Variants in TMEM131 observed in about 807,000 individuals in gnomAD.
TMEM131 encodes transmembrane protein 131.
In TMEM131, 66 loss-of-function variants were observed where a neutral mutation model predicts 211.6. The observed-to-expected ratio is 0.31, with a 90% CI of 0.26 to 0.38. TMEM131 has a LOEUF of 0.38. Among genes scored for constraint, TMEM131 ranks in the 10% least tolerant of loss-of-function variants. The pLI is 1.00. For synonymous variants in TMEM131, 844 were observed against 841.3 expected (o/e 1.00, Z -0.06); for missense variants, 2,036 against 2,299.3 (o/e 0.89, Z 2.34).
At position 97,802,780 on chromosome 2, in the gene TMEM131, T is replaced by C. The variant is rs758047645; in HGVS notation, c.2413A>G (p.Ile805Val). 4 of 1,552,312 alleles carry C rather than the reference T, an allele frequency of 2.6e-6. No homozygotes were observed. Among genetic ancestry groups the C allele is most frequent in the South Asian group, 2.4e-5 (2 of 81,960 alleles). The change falls in exon 23 of 41, where the codon ATA becomes GTA. Residue 805 changes from isoleucine to valine, a missense_variant. Ile to Val is a conservative substitution (Grantham distance 29). Around this residue, in one of 3 missense-constraint regions of TMEM131, gnomAD observed 1,623 missense variants for 1,805.9 expected, o/e 0.90. Transcript: ENST00000186436. ...TGAAGGTCTGTATTTACTTCAAATA[T>C]AGCACTCAATCTAGAAAAACAATTT... Reference protein sequence around the residue: ...KENSGHRLSAIFEVNTDLQKN... With the variant: ...KENSGHRLSAVFEVNTDLQKN...
intron 38 of TMEM131, chr2:97,760,145 T>C: frequency 4.0e-6 from 1 of 249,786 alleles, no homozygotes; most frequent in Non-Finnish European, 7.8e-6. Context: ...CCAAGGTGAC[T>C]GCTGCAGGCC....
intron 11 of TMEM131, among the ~76,000 whole-genome samples, chr2:97,824,235 G>T (rs886885529): frequency 6.6e-6 from 1 of 152,202 alleles, no homozygotes; most frequent in Non-Finnish European, 1.5e-5. Context: ...GGTTCTCTAG[G>T]CCAGAAGCCC....
intron 4 of TMEM131, among the ~76,000 whole-genome samples, chr2:97,867,084 T>C (rs923686689): frequency 6.6e-6 from 1 of 152,234 alleles, no homozygotes; most frequent in African/African-American, 2.4e-5. Context: ...TTAAAATTAC[T>C]AGTGTTTGTA....
chr2:97,816,596 G>A lies in TMEM131; in HGVS notation c.1184-1289C>T, dbSNP rs75955603. On this transcript the variant is annotated intron_variant, in intron 12 of 40. Transcript: ENST00000186436. ...GGTATGACATCTAGTGTTTGACTAT[G>A]GCAGACACAGACTTTCCATTTTAAA... 3.4e-3 allele frequency among the ~76,000 whole-genome samples: 520 copies of A among 152,224 alleles called. 8 individuals are homozygous for A. The East Asian group carries it at 0.042, about 12-fold the overall frequency.
intron 2 of TMEM131, among the ~76,000 whole-genome samples, chr2:97,922,077 G>C (rs1007809820): frequency 6.6e-6 from 1 of 152,176 alleles, no homozygotes; most frequent in Non-Finnish European, 1.5e-5. Flanking sequence ...TCCATGGATG[G>C]GGGGTTAGCG....
chr2:97,870,876 T>G (rs1295208994), intron 4 of TMEM131, among the ~76,000 whole-genome samples: 2 of 152,208 alleles, frequency 1.3e-5, no homozygotes. Flanking sequence ...GCTGGGGAGT[T>G]GATGTAAAAT....
intron 11 of TMEM131, among the ~76,000 whole-genome samples, chr2:97,820,029 G>A (rs1331175337): frequency 6.6e-6 from 1 of 152,232 alleles, no homozygotes; most frequent in Non-Finnish European, 1.5e-5. Context: ...CAAAGACACT[G>A]CTAGAGCAGC....
At chr2:97,908,526 A>G (rs1676164142) in intron 3 of TMEM131, 132 bp downstream of exon 3, 2 of 633,498 alleles carry the variant, frequency 3.2e-6, no homozygotes, top group East Asian at 5.7e-5. Flanking sequence ...ACTTAGAAAT[A>G]ATCATATAAT....
At chr2:97,847,080 G>T (rs796225451) in intron 5 of TMEM131, among the ~76,000 whole-genome samples, 1 of 110,940 alleles carries the variant, frequency 9.0e-6, no homozygotes, top group East Asian at 3.0e-4. Context: ...TGGGGGGGGG[G>T]GGGGGGGCCG....
intron 5 of TMEM131, among the ~76,000 whole-genome samples, chr2:97,849,675 G>A (rs1401313170): frequency 1.4e-5 from 2 of 140,720 alleles, no homozygotes; most frequent in Non-Finnish European, 3.1e-5. Context: ...GTGTGTCTAT[G>A]TATATATATG....
At position 97,868,435 on chromosome 2, in the gene TMEM131, T is replaced by C. The variant is rs931492729; in HGVS notation, c.360-9008A>G. On this transcript the variant is annotated intron_variant, in intron 4 of 40. Coordinates refer to ENST00000186436, the MANE Select transcript of TMEM131 (RefSeq NM_015348.2). ...GTGACAATCTTGGTCTCTTAATTGA[T>C]GTGTTTAGATTATGTATATTTAATG... Among the ~76,000 whole-genome samples the C allele has an allele frequency of 1.6e-4, 24 of 152,316 alleles. No individual in the cohort carries two copies. The East Asian group carries it at 4.4e-3, about 28-fold the overall frequency.
intron 1 of TMEM131, among the ~76,000 whole-genome samples, chr2:97,974,238 T>C (rs1467238616): frequency 6.6e-6 from 1 of 152,032 alleles, no homozygotes; most frequent in Non-Finnish European, 1.5e-5. Context: ...GGATTAGACA[T>C]GCAAAAGAAA....
At chr2:97,900,522 A>G (rs570631690) in intron 3 of TMEM131, among the ~76,000 whole-genome samples, 52 of 152,146 alleles carry the variant, frequency 3.4e-4, no homozygotes, top group African/African-American at 1.2e-3. Context: ...AAGGCTTAAC[A>G]GTATTCCACT....
chr2:97,931,118 A>G (rs779093125), intron 1 of TMEM131, among the ~76,000 whole-genome samples: 1 of 151,870 alleles, frequency 6.6e-6, no homozygotes, highest in Non-Finnish European at 1.5e-5. Context: ...TTTAGCAACC[A>G]AATTTTTTTA....
intron 1 of TMEM131, among the ~76,000 whole-genome samples, chr2:97,990,150 A>G (rs1370955137): frequency 1.3e-5 from 2 of 152,206 alleles, no homozygotes; most frequent in South Asian, 2.1e-4. Context: ...CAGGTATCTA[A>G]GTCATCAAGA....
intron 38 of TMEM131, chr2:97,759,951 C>G (rs2104753649): frequency 3.7e-6 from 2 of 547,396 alleles, no homozygotes; most frequent in Admixed American, 6.2e-5. Flanking sequence ...CTCCGGATGC[C>G]CTATCACTAG....
chr2:97,766,432 T>G, intron 34 of TMEM131, 46 bp downstream of exon 34: 1 of 1,613,274 alleles, frequency 6.2e-7, no homozygotes, highest in Non-Finnish European at 8.5e-7. Flanking sequence ...CGGTGCACTA[T>G]GAAAAGATCC....
intron 1 of TMEM131, among the ~76,000 whole-genome samples, chr2:97,970,938 C>T (rs1447434206): frequency 6.6e-6 from 1 of 152,096 alleles, no homozygotes; most frequent in Admixed American, 6.6e-5. Context: ...AAATAAAAGC[C>T]GGGTTTGTTT....
At chr2:97,914,545 C>T (rs1676428982) in intron 2 of TMEM131, among the ~76,000 whole-genome samples, 1 of 152,142 alleles carries the variant, frequency 6.6e-6, no homozygotes, top group Admixed American at 6.6e-5. Context: ...TCCTGCCCTT[C>T]CCCCCAAGCC....
Sources: allele counts gnomAD v4.1 joint callset (sites outside exome capture counted in the v4.1 genomes callset), GRCh38; gene constraint gnomAD v4.1.1; regional missense constraint gnomAD v4.1.1; transcripts MANE v1.5; gene names NCBI Gene and HGNC (gene_info 2026-07-23, HGNC 2026-07-21).